ZNF525: variants seen among roughly 807,000 people sequenced by gnomAD.
ZNF525 encodes zinc finger protein 525.
A neutral mutation model predicts 37.6 loss-of-function variants in ZNF525; 33 were observed. The ratio of observed to expected loss-of-function variants is 0.88; its 90% confidence interval spans 0.67 to 1.17. The LOEUF (loss-of-function observed/expected upper bound fraction) is 1.17, where lower values mean the gene tolerates loss of function less well. ZNF525 is among the 50% of genes most tolerant of loss of function. The pLI is 0.00. For synonymous variants in ZNF525, 170 were observed against 182.3 expected, an observed-to-expected ratio of 0.93 and a Z score of 0.54; for missense variants, 449 against 543.1, an observed-to-expected ratio of 0.83 and a Z score of 1.72.
chr19:53,377,407 C>G (rs1373465746), intron 3 of ZNF525, among the ~76,000 whole-genome samples: 1 of 152,082 alleles, frequency 6.6e-6, no homozygotes, highest in African/African-American at 2.4e-5. Flanking sequence ...AACTCCCGCC[C>G]TCAGGTGATC....
chr19:53,385,035 G>A lies in ZNF525; in HGVS notation c.*3016G>A. On this transcript the variant is annotated 3_prime_UTR_variant, in exon 4 of 4. Transcript: ENST00000474037. Reference sequence around the variant, plus strand: ...TTTTCTCCATCTACTAAGGTGATGTGGTTTTAATCTTTCATTCTGTTCTAG... The same window carrying A: ...TTTTCTCCATCTACTAAGGTGATGTAGTTTTAATCTTTCATTCTGTTCTAG... 1 of 697,514 alleles carries A rather than the reference G, an allele frequency of 1.4e-6. No homozygotes were observed. The highest frequency in any genetic ancestry group is 2.6e-6 in the Non-Finnish European group (1 of 383,134). The allele number at this position is 697,514 out of a possible 1,614,324, so 43.2% of individuals were successfully genotyped here.
intron 3 of ZNF525, among the ~76,000 whole-genome samples, chr19:53,378,762 C>T (rs2147071359): frequency 6.6e-6 from 1 of 152,258 alleles, no homozygotes; most frequent in East Asian, 1.9e-4. Flanking sequence ...AAGCACAAGT[C>T]CTATTCACGA....
Position 53,380,958 on chromosome 19 carries a change from G to A in ZNF525, c.379G>A (p.Asp127Asn), listed in dbSNP as rs780738248. The change falls in exon 4 of 4, where the codon GAT (aspartate) becomes AAT (asparagine). Residue 127 changes from aspartate to asparagine, a missense_variant. By Grantham distance (23) the Asp-to-Asn change is conservative. Around this residue, in one of 2 missense-constraint regions of ZNF525, gnomAD observed 271 missense variants for 381.6 expected, o/e 0.71. Transcript: ENST00000474037. ...KKLMGSTEQY[D>N]HRHAGNKPIK... The stretch of plus-strand genomic sequence containing the variant: ...ATTGATGGGTAGTACAGAGCAATAT[G>A]ATCACAGGCATGCTGGAAACAAGCC... The A allele has an allele frequency of 1.3e-6, 2 of 1,581,312 alleles. No homozygotes were observed. The highest frequency in any genetic ancestry group is 1.7e-6 in the Non-Finnish European group (2 of 1,150,264).
intron 1 of ZNF525, among the ~76,000 whole-genome samples, chr19:53,366,839 G>C (rs571918414): frequency 1.2e-4 from 11 of 91,800 alleles, no homozygotes; most frequent in Non-Finnish European, 2.1e-4. Context: ...GGGGAGAGCA[G>C]AGGAGGCGCA....
chr19:53,380,093 A>G (rs966895119), intron 3 of ZNF525, among the ~76,000 whole-genome samples: 1 of 151,844 alleles, frequency 6.6e-6, no homozygotes. Flanking sequence ...ATTCAGAAAA[A>G]TATTTTTTTT....
chr19:53,382,819 A>C lies in ZNF525; in HGVS notation c.*800A>C. 1 of 1,215,884 alleles carries C rather than the reference A, an allele frequency of 8.2e-7. No individual in the cohort carries two copies. Among genetic ancestry groups the C allele is most frequent in the African/African-American group, 1.5e-5 (1 of 66,532 alleles). 75.3% of individuals were successfully genotyped at this position (1,215,884 alleles called of 1,614,324 possible). On this transcript the variant is annotated 3_prime_UTR_variant, in exon 4 of 4. Coordinates refer to ENST00000474037, the MANE Select transcript of ZNF525 (RefSeq NM_001348156.2). ...CTCATGCTGGAGAGAAACCTTACAA[A>C]TGTGAAGAATGTGATAAAGCTTTCA...
rs1276234995 is a variant in ZNF525, at chr19:53,365,754, C to A, written c.-73C>A. ...ATCGCGTGGAGTGAAGGTCCCTCAG[C>A]GGCGCGTGAGTTTCGCTCCATCTTG... On this transcript the variant is annotated 5_prime_UTR_variant, in exon 1 of 4. Coordinates refer to ENST00000474037, the MANE Select transcript of ZNF525 (RefSeq NM_001348156.2). 1.1e-5 allele frequency: 2 copies of A among 180,476 alleles called. No individual in the cohort carries two copies. The highest frequency in any genetic ancestry group is 7.6e-4 in the Middle Eastern group (1 of 1,314). 11.2% of individuals were successfully genotyped at this position (180,476 alleles called of 1,614,324 possible).
Position 53,384,932 on chromosome 19 carries a change from C to T in ZNF525, c.*2913C>T, listed in dbSNP as rs551037235. 1 of 700,156 alleles carries T rather than the reference C, an allele frequency of 1.4e-6. No homozygotes were observed. Among genetic ancestry groups the T allele is most frequent in the Admixed American group, 2.0e-5 (1 of 49,374 alleles). The allele number at this position is 700,156 out of a possible 1,614,324, so 43.4% of individuals were successfully genotyped here. A position where few individuals can be genotyped will look rare whatever the true frequency, so the allele number is the denominator to read the frequency against. On this transcript the variant is annotated 3_prime_UTR_variant, in exon 4 of 4. Transcript: ENST00000474037. Reference sequence around the variant, plus strand: ...ATTTGTCATTTCATGGATGTTCTTTCTATTGTTGAGGTAAATTTCCTTTTC... The same window carrying T: ...ATTTGTCATTTCATGGATGTTCTTTTTATTGTTGAGGTAAATTTCCTTTTC...
chr19:53,367,409 G>T (rs1342606283), intron 1 of ZNF525, among the ~76,000 whole-genome samples: 1 of 151,986 alleles, frequency 6.6e-6, no homozygotes, highest in Non-Finnish European at 1.5e-5. Flanking sequence ...GATTCTTCAT[G>T]AAAGAGCAGG....
intron 3 of ZNF525, chr19:53,376,486 G>T: frequency 3.4e-6 from 2 of 580,556 alleles, no homozygotes; most frequent in East Asian, 2.9e-5. Flanking sequence ...GTTTTTTCAG[G>T]TTTGTTTTTT....
chr19:53,374,522 A>G (rs2085508596), intron 2 of ZNF525, among the ~76,000 whole-genome samples: 1 of 152,214 alleles, frequency 6.6e-6, no homozygotes, highest in South Asian at 2.1e-4. Flanking sequence ...TGCTTCTTCT[A>G]GGATGGGGCA....
At chr19:53,367,133 C>G (rs1171659269) in intron 1 of ZNF525, among the ~76,000 whole-genome samples, 1 of 151,248 alleles carries the variant, frequency 6.6e-6, no homozygotes, top group African/African-American at 2.5e-5. Context: ...ACACGTTTGT[C>G]CTTTTTTTTT....
At chr19:53,374,759 A>G (rs563455751) in intron 2 of ZNF525, among the ~76,000 whole-genome samples, 2 of 152,334 alleles carry the variant, frequency 1.3e-5, no homozygotes, top group East Asian at 3.9e-4. Context: ...ATCTGGGGAA[A>G]ATGACAACCC....
intron 1 of ZNF525, among the ~76,000 whole-genome samples, chr19:53,368,534 T>G (rs796234846): frequency 2.0e-5 from 3 of 152,160 alleles, no homozygotes; most frequent in Non-Finnish European, 2.9e-5. Flanking sequence ...CTTTTGCTTC[T>G]TAAGGCCAGT....
chr19:53,373,614 T>C (rs1218912076), intron 2 of ZNF525, among the ~76,000 whole-genome samples: 5 of 152,038 alleles, frequency 3.3e-5, no homozygotes, highest in Non-Finnish European at 7.4e-5. Flanking sequence ...TATTTCTGTA[T>C]CGTTATGAGA....
rs753369536 is a variant in ZNF525, at chr19:53,381,345, C to T, written c.766C>T (p.Arg256Ter). Reference protein sequence around the residue: ...DVCDKVFIRKRYLARHRRCHT... With the variant: ...DVCDKVFIRK ...ATGTGACAAGGTCTTTATTCGGAAG[C>T]GATACCTTGCACGCCATCGTAGATG... The change falls in exon 4 of 4, where the codon CGA becomes TGA. Residue 256 changes from arginine (R) to a stop codon, truncating the protein, a stop_gained. Transcript: ENST00000474037. LOFTEE classifies it high-confidence loss of function. 3.8e-5 allele frequency: 61 copies of T among 1,586,670 alleles called. No homozygotes were observed. Among genetic ancestry groups the T allele is most frequent in the Admixed American group, 6.7e-5 (4 of 59,964 alleles).
At chr19:53,371,791 A>G (rs2085489872) in intron 1 of ZNF525, among the ~76,000 whole-genome samples, 1 of 152,104 alleles carries the variant, frequency 6.6e-6, no homozygotes, top group African/African-American at 2.4e-5. Flanking sequence ...AGACACACAG[A>G]CATGCACCGC....
Position 53,381,263 on chromosome 19 carries a change from A to T in ZNF525, c.684A>T (p.Ser228=), listed in dbSNP as rs151076278. 2 of 1,399,162 alleles carry T rather than the reference A, an allele frequency of 1.4e-6. No homozygotes were observed. The highest frequency in any genetic ancestry group is 2.0e-6 in the Non-Finnish European group (2 of 984,182). 86.7% of individuals were successfully genotyped at this position (1,399,162 alleles called of 1,614,324 possible). Residue 228 remains serine (S), a synonymous_variant, in exon 4 of 4, where the codon TCA becomes TCT. Transcript: ENST00000474037. ...GTGGCAAAGCCTTTAATTATAGCTC[A>T]CTCTTAAGGAAACATCAGATTATTC... The part of the protein sequence containing the change: ...IESGKAFNYS[S]LLRKHQIIHL...
intron 2 of ZNF525, chr19:53,372,521 C>G: frequency 1.1e-6 from 1 of 906,036 alleles, no homozygotes. Flanking sequence ...GAAGGGCTCA[C>G]AACCAGACAT....
Sources: allele counts gnomAD v4.1 joint callset (sites outside exome capture counted in the v4.1 genomes callset), GRCh38; gene constraint gnomAD v4.1.1; regional missense constraint gnomAD v4.1.1; transcripts MANE v1.5; gene names NCBI Gene and HGNC (gene_info 2026-07-23, HGNC 2026-07-21).